Variants in PITPNM2 observed in about 807,000 individuals in gnomAD.
The protein encoded by PITPNM2 is membrane-associated phosphatidylinositol transfer protein 2.
PITPNM2 carries 35 observed loss-of-function variants against 132.2 expected under a neutral mutation model. That is an observed-to-expected ratio of 0.26 (90% CI 0.20 to 0.35). The LOEUF (loss-of-function observed/expected upper bound fraction) is 0.35, where lower values mean the gene tolerates loss of function less well. PITPNM2 is among the 10% of genes least tolerant of loss of function. The pLI is 1.00. For missense variants in PITPNM2, 1,332 were observed against 1,912.0 expected, an observed-to-expected ratio of 0.70 and a Z score of 5.66; for synonymous variants, 738 against 799.2, an observed-to-expected ratio of 0.92 and a Z score of 1.29.
Position 123,023,939 on chromosome 12 carries a change from G to C in PITPNM2, c.79-9897C>G. Among the ~76,000 whole-genome samples, 1 of 152,040 alleles carries C rather than the reference G, an allele frequency of 6.6e-6. No individual in the cohort carries two copies. The highest frequency in any genetic ancestry group is 2.4e-5 in the African/African-American group (1 of 41,374). The stretch of plus-strand genomic sequence containing the variant: ...AGAACTCCTCCAATGCAACAACAGA[G>C]AAACAACAACCCCATTCAAAAACTG... On this transcript the variant is annotated intron_variant, in intron 3 of 25. Coordinates refer to ENST00000320201, the MANE Select transcript of PITPNM2 (RefSeq NM_020845.3). This position sits in a 1 kb window ranked among gnomAD's most constrained non-coding sequence, Gnocchi z 4.8.
rs186183927 is a variant in PITPNM2, at chr12:123,057,124, C to T, written c.-95-22439G>A. On this transcript the variant is annotated intron_variant, in intron 2 of 25. Coordinates refer to ENST00000320201, the MANE Select transcript of PITPNM2 (RefSeq NM_020845.3). ...GGCCAGGCGTGGTGGTTCACGCCTG[C>T]AATCCCAGCACTTTGAGAGGCCGAG... 5.4e-3 allele frequency among the ~76,000 whole-genome samples: 828 copies of T among 152,220 alleles called. 11 individuals are homozygous for T. The highest frequency in any genetic ancestry group is 0.019 in the African/African-American group (781 of 41,532).
chr12:123,037,867 G>A (rs943539985), intron 2 of PITPNM2, among the ~76,000 whole-genome samples: 19 of 152,272 alleles, frequency 1.2e-4, no homozygotes, highest in Non-Finnish European at 8.8e-5. Context: ...GGCTCTGTGA[G>A]CACATGTCTG....
chr12:123,138,916 T>C (rs978040225), intron 1 of PITPNM2, among the ~76,000 whole-genome samples: 6 of 151,924 alleles, frequency 3.9e-5, no homozygotes, highest in African/African-American at 1.5e-4. Context: ...GGCAGGAGGA[T>C]CACTTGAAGC....
At chr12:123,139,022 C>A (rs2043441467) in intron 1 of PITPNM2, among the ~76,000 whole-genome samples, 1 of 152,090 alleles carries the variant, frequency 6.6e-6, no homozygotes, top group Non-Finnish European at 1.5e-5. Context: ...CCTGTAGTCC[C>A]AGCTACTTGG....
intron 2 of PITPNM2, among the ~76,000 whole-genome samples, chr12:123,101,620 T>C (rs1593015625): frequency 6.6e-6 from 1 of 152,240 alleles, no homozygotes; most frequent in East Asian, 1.9e-4. Context: ...AGACGGTACT[T>C]AGTAAATGTT....
intron 3 of PITPNM2, among the ~76,000 whole-genome samples, chr12:123,014,521 T>C (rs1174079896): frequency 2.0e-5 from 3 of 152,174 alleles, no homozygotes; most frequent in African/African-American, 7.2e-5. Flanking sequence ...CTGGGCAACA[T>C]GGTGAAACCT....
At chr12:123,116,452 C>A (rs948222426) in intron 1 of PITPNM2, among the ~76,000 whole-genome samples, 1 of 151,988 alleles carries the variant, frequency 6.6e-6, no homozygotes, top group African/African-American at 2.4e-5. Context: ...GAGTCCAAGA[C>A]CAGCCTGGGC....
chr12:123,012,835 C>A, intron 4 of PITPNM2, 101 bp from the exon 5 acceptor site: 3 of 1,487,514 alleles, frequency 2.0e-6, no homozygotes, highest in South Asian at 1.3e-5. Context: ...AGCTGGTGAG[C>A]GGGCATGGAA....
chr12:123,097,396 G>C lies in PITPNM2; in HGVS notation c.-96+12989C>G, dbSNP rs190202114. ...AAGTGCTAAGGGGGAAAGACTTTCA[G>C]CAGCCCACTTTTCTGCACAGTCCTC... is the stretch of plus-strand genomic sequence containing the variant. On this transcript the variant is annotated intron_variant, in intron 2 of 25. Coordinates refer to ENST00000320201, the MANE Select transcript of PITPNM2 (RefSeq NM_020845.3). The surrounding 1 kb of genome is among the most constrained non-coding windows in gnomAD (Gnocchi z 4.7). Among the ~76,000 whole-genome samples the C allele has an allele frequency of 6.6e-6, 1 of 152,296 alleles. No individual in the cohort carries two copies. The highest frequency in any genetic ancestry group is 1.9e-4 in the East Asian group (1 of 5,182).
At chr12:123,128,435 C>T (rs568933832) in intron 1 of PITPNM2, among the ~76,000 whole-genome samples, 5 of 127,778 alleles carry the variant, frequency 3.9e-5, no homozygotes, top group African/African-American at 1.6e-4. Context: ...AGCAAGACCC[C>T]GTCTCAAGTT....
intron 2 of PITPNM2, among the ~76,000 whole-genome samples, chr12:123,096,335 C>T (rs948785146): frequency 4.6e-5 from 7 of 152,308 alleles, no homozygotes; most frequent in African/African-American, 1.2e-4. Context: ...GGAATGGGCT[C>T]GCGGGAAGCC....
At chr12:123,014,173 G>T in intron 3 of PITPNM2, 131 bp from the exon 4 acceptor site, 1 of 922,568 alleles carries the variant, frequency 1.1e-6, no homozygotes, top group African/African-American at 1.6e-5. Flanking sequence ...GGCTCCTCCT[G>T]TGTCACTTCC....
intron 3 of PITPNM2, among the ~76,000 whole-genome samples, chr12:123,028,047 G>A (rs2039929890): frequency 1.3e-5 from 2 of 152,218 alleles, no homozygotes; most frequent in South Asian, 4.1e-4. Flanking sequence ...GGACAGCAGA[G>A]ACAGGCCTGG....
At chr12:122,987,936 C>T (rs888345940) in intron 20 of PITPNM2, 35 bp from the exon 21 acceptor site, 9 of 1,571,574 alleles carry the variant, frequency 5.7e-6, no homozygotes, top group Non-Finnish European at 7.8e-6. Context: ...GTCAGGGGGT[C>T]GGAGGGCACC....
intron 3 of PITPNM2, among the ~76,000 whole-genome samples, chr12:123,029,468 C>G (rs986094652): frequency 6.6e-6 from 1 of 152,322 alleles, no homozygotes; most frequent in Admixed American, 6.5e-5. Flanking sequence ...CACCTGTAAT[C>G]CCAGCTACTG....
intron 1 of PITPNM2, among the ~76,000 whole-genome samples, chr12:123,125,112 C>T (rs1290408470): frequency 6.6e-6 from 1 of 152,162 alleles, no homozygotes; most frequent in Non-Finnish European, 1.5e-5. Flanking sequence ...CATGTGTCAC[C>T]ATGCCCAGCT....
intron 1 of PITPNM2, among the ~76,000 whole-genome samples, chr12:123,146,767 C>T (rs779144051): frequency 7.2e-5 from 11 of 152,062 alleles, no homozygotes; most frequent in Non-Finnish European, 1.3e-4. Context: ...GCTCCATACT[C>T]ATTTCACAGG....
chr12:123,063,089 G>A (rs2136795068), intron 2 of PITPNM2, among the ~76,000 whole-genome samples: 1 of 152,394 alleles, frequency 6.6e-6, no homozygotes, highest in South Asian at 2.1e-4. Flanking sequence ...GCCCAGCTCT[G>A]CTGACGGAAC....
In PITPNM2 at chr12:123,058,665, G is replaced by A. The variant is rs1297994300; in HGVS notation, c.-95-23980C>T. 1.3e-5 allele frequency among the ~76,000 whole-genome samples: 2 copies of A among 152,308 alleles called. No homozygotes were observed. Among genetic ancestry groups the A allele is most frequent in the South Asian group, 2.1e-4 (1 of 4,822 alleles). On this transcript the variant is annotated intron_variant, in intron 2 of 25. Transcript: ENST00000320201. This position sits in a 1 kb window ranked among gnomAD's most constrained non-coding sequence, Gnocchi z 4.0. ...CTCTTACACCTCGGCCCCAAGCACTGCAGAAGCTGGTAACTGTTGCCTGAG... is the reference window on the plus strand; with the variant it reads ...CTCTTACACCTCGGCCCCAAGCACTACAGAAGCTGGTAACTGTTGCCTGAG...
Sources: gnomAD v4.1 joint callset for allele counts (sites outside exome capture counted in the v4.1 genomes callset) on GRCh38, gnomAD v4.1.1 for gene constraint, Gnocchi (gnomAD v3.1) non-coding constraint, MANE v1.5 for transcripts, NCBI Gene and HGNC (gene_info 2026-07-23, HGNC 2026-07-21) for gene names.